CHST9: variants seen among roughly 807,000 people sequenced by gnomAD.
CHST9 encodes the protein GalNAc-4-sulfotransferase 2.
A neutral mutation model predicts 44.4 loss-of-function variants in CHST9; 41 were observed. The observed-to-expected ratio is 0.92, with a 90% CI of 0.72 to 1.20. The LOEUF (loss-of-function observed/expected upper bound fraction) is 1.20, where lower values mean the gene tolerates loss of function less well. CHST9 is among the 50% of genes most tolerant of loss of function. The pLI, the probability that CHST9 is intolerant of heterozygous loss-of-function variation, is 0.00. For synonymous variants in CHST9, 171 were observed against 178.4 expected (o/e 0.96, Z 0.33); for missense variants, 504 against 516.5 (o/e 0.98, Z 0.23).
chr18:27,054,537 T>C (rs146026677), intron 2 of CHST9, among the ~76,000 whole-genome samples: 2 of 152,208 alleles, frequency 1.3e-5, no homozygotes, highest in African/African-American at 4.8e-5. Flanking sequence ...TATTTATCTA[T>C]GTAAACTGAG....
chr18:26,966,117 T>G (rs2056461115), intron 4 of CHST9, among the ~76,000 whole-genome samples: 1 of 152,226 alleles, frequency 6.6e-6, no homozygotes, highest in Non-Finnish European at 1.5e-5. Flanking sequence ...CAATCCCAAT[T>G]GATAGACTCA....
chr18:27,092,652 T>A (rs1411335275), intron 2 of CHST9, among the ~76,000 whole-genome samples: 1 of 152,206 alleles, frequency 6.6e-6, no homozygotes, highest in Non-Finnish European at 1.5e-5. Flanking sequence ...TGTGTCTTTG[T>A]TCTCATTTGT....
At chr18:27,087,567 C>G (rs970162253) in intron 2 of CHST9, among the ~76,000 whole-genome samples, 11 of 152,110 alleles carry the variant, frequency 7.2e-5, no homozygotes, top group Non-Finnish European at 1.5e-4. Context: ...GTACTAGATC[C>G]TGTTTTGCAA....
chr18:26,929,643 A>G (rs1161742087), intron 5 of CHST9, among the ~76,000 whole-genome samples: 4 of 152,226 alleles, frequency 2.6e-5, no homozygotes, highest in African/African-American at 7.2e-5. Flanking sequence ...GACCTGGAGC[A>G]AAAGACACTG....
At chr18:27,026,470 T>C (rs2057286481) in intron 3 of CHST9, among the ~76,000 whole-genome samples, 1 of 152,100 alleles carries the variant, frequency 6.6e-6, no homozygotes, top group African/African-American at 2.4e-5. Flanking sequence ...TACAATTTAT[T>C]TTTTATCTTT....
At chr18:27,160,845 G>T (rs1225456497) in intron 1 of CHST9, among the ~76,000 whole-genome samples, 2 of 152,164 alleles carry the variant, frequency 1.3e-5, no homozygotes, top group Non-Finnish European at 2.9e-5. Flanking sequence ...TTGGGAGGTT[G>T]TATGTGTCCA....
At chr18:27,034,475 T>C (rs1172956825) in intron 3 of CHST9, among the ~76,000 whole-genome samples, 2 of 152,212 alleles carry the variant, frequency 1.3e-5, no homozygotes, top group African/African-American at 4.8e-5. Context: ...AAAATTTCAT[T>C]ACCTGGCTTA....
chr18:27,122,244 C>A (rs1446875682), intron 2 of CHST9, among the ~76,000 whole-genome samples: 1 of 152,118 alleles, frequency 6.6e-6, no homozygotes, highest in Non-Finnish European at 1.5e-5. Flanking sequence ...TTGCTACTGC[C>A]CAGATATAAT....
At chr18:26,973,530 G>A (rs137873324) in intron 4 of CHST9, among the ~76,000 whole-genome samples, 13 of 152,258 alleles carry the variant, frequency 8.5e-5, no homozygotes, top group Admixed American at 3.9e-4. Context: ...CCAGAATGGC[G>A]TTGAATGTGG....
At chr18:27,095,748 A>C (rs1321780923) in intron 2 of CHST9, among the ~76,000 whole-genome samples, 2 of 152,178 alleles carry the variant, frequency 1.3e-5, no homozygotes, top group Non-Finnish European at 2.9e-5. Flanking sequence ...TATTCTAAAA[A>C]TATACACACC....
chr18:27,048,555 T>C lies in CHST9; in HGVS notation c.122-52A>G, dbSNP rs183557404. 53 of 1,477,774 alleles carry C rather than the reference T, an allele frequency of 3.6e-5. No individual in the cohort carries two copies. The African/African-American group carries it at 6.2e-4, about 17-fold the overall frequency. 91.5% of individuals were successfully genotyped at this position (1,477,774 alleles called of 1,614,324 possible). ...ACAGCATGGAGTCATGAGAATATGA[T>C]GAAAATAAGATGAAAGCCCAGTTTA... On this transcript the variant is annotated intron_variant, in intron 2 of 5. Coordinates refer to ENST00000618847, the MANE Select transcript of CHST9 (RefSeq NM_031422.6).
At chr18:27,076,769 A>ATGGT (rs1404275649) in intron 2 of CHST9, among the ~76,000 whole-genome samples, 9 of 152,172 alleles carry the variant, frequency 5.9e-5, no homozygotes, top group African/African-American at 2.2e-4. Context: ...ATCCACCATC[A>ATGGT]GGCCAATAAA....
At chr18:27,115,331 A>T (rs1316081565) in intron 2 of CHST9, among the ~76,000 whole-genome samples, 1 of 152,166 alleles carries the variant, frequency 6.6e-6, no homozygotes, top group Non-Finnish European at 1.5e-5. Context: ...TTCATGTACA[A>T]ATTTTTCTGT....
intron 1 of CHST9, among the ~76,000 whole-genome samples, chr18:27,159,022 T>C (rs1197385796): frequency 6.6e-6 from 1 of 152,252 alleles, no homozygotes; most frequent in Non-Finnish European, 1.5e-5. Context: ...CTTTGTCAGA[T>C]GAGCAGATTG....
At chr18:27,026,065 T>G (rs953215681) in intron 3 of CHST9, among the ~76,000 whole-genome samples, 1 of 152,200 alleles carries the variant, frequency 6.6e-6, no homozygotes, top group Non-Finnish European at 1.5e-5. Flanking sequence ...ATCTGACTTA[T>G]AACAATCAAG....
intron 3 of CHST9, among the ~76,000 whole-genome samples, chr18:27,037,859 C>A (rs185410405): frequency 6.6e-6 from 1 of 150,756 alleles, no homozygotes; most frequent in Non-Finnish European, 1.5e-5. Context: ...TAAATTTTTA[C>A]AAGCTCTCAA....
chr18:27,138,873 G>C (rs1256279599), intron 2 of CHST9, among the ~76,000 whole-genome samples: 1 of 151,518 alleles, frequency 6.6e-6, no homozygotes, highest in African/African-American at 2.4e-5. Flanking sequence ...ACTTGTACCT[G>C]TAACAACTAC....
chr18:27,055,893 C>T (rs2057648787), intron 2 of CHST9, among the ~76,000 whole-genome samples: 1 of 151,726 alleles, frequency 6.6e-6, no homozygotes, highest in Non-Finnish European at 1.5e-5. Flanking sequence ...GTCTTGAGTA[C>T]CTTCTCATTA....
intron 2 of CHST9, among the ~76,000 whole-genome samples, chr18:27,091,657 G>C (rs1280867276): frequency 1.3e-5 from 2 of 151,982 alleles, no homozygotes; most frequent in Non-Finnish European, 2.9e-5. Flanking sequence ...TAGCATGAAG[G>C]GCTGTTGAAT....
Sources: allele counts gnomAD v4.1 joint callset (sites outside exome capture counted in the v4.1 genomes callset), GRCh38; gene constraint gnomAD v4.1.1; transcripts MANE v1.5; gene names NCBI Gene and HGNC (gene_info 2026-07-23, HGNC 2026-07-21).